TMEM144: variants seen among roughly 807,000 people sequenced by gnomAD.
TMEM144 encodes the protein transmembrane protein 144.
TMEM144 carries 39 observed loss-of-function variants against 43.6 expected under a neutral mutation model. That is an observed-to-expected ratio of 0.90 (90% CI 0.69 to 1.17). TMEM144 has a LOEUF of 1.17. TMEM144 is among the 50% of genes most tolerant of loss of function. TMEM144 has a pLI of 0.00. For synonymous variants in TMEM144, 154 were observed against 133.6 expected (o/e 1.15, Z -1.06); for missense variants, 417 against 411.9 (o/e 1.01, Z -0.11).
chr4:158,245,129 T>C (rs1160374926), intron 12 of TMEM144, among the ~76,000 whole-genome samples: 1 of 151,874 alleles, frequency 6.6e-6, no homozygotes. Context: ...GAAAACAGCA[T>C]GGTAACAGGA....
chr4:158,218,669 A>G (rs572360613), intron 5 of TMEM144, among the ~76,000 whole-genome samples: 3 of 152,308 alleles, frequency 2.0e-5, no homozygotes, highest in African/African-American at 7.2e-5. Flanking sequence ...CAAATATTAT[A>G]CAATATTGTA....
rs142505717 is a variant in TMEM144, at chr4:158,212,767, A to G, written c.100A>G (p.Thr34Ala). 1.9e-6 allele frequency: 3 copies of G among 1,609,652 alleles called. No homozygotes were observed. Among genetic ancestry groups the G allele is most frequent in the Non-Finnish European group, 2.6e-6 (3 of 1,176,220 alleles). The stretch of plus-strand genomic sequence containing the variant: ...TTTTGTGCCACTTAAAAAATTTGAT[A>G]CTGGTGATGGTAATTATTTTTCCTT... Reference protein sequence around the residue: ...SNFVPLKKFDTGDGMFLQWVL... With the variant: ...SNFVPLKKFDAGDGMFLQWVL... Residue 34 changes from threonine to alanine, a missense_variant, in exon 3 of 13, where the codon ACT becomes GCT. Thr to Ala is a moderately conservative substitution (Grantham distance 58, BLOSUM62 0). Transcript: ENST00000296529.
intron 6 of TMEM144, among the ~76,000 whole-genome samples, chr4:158,224,454 C>T (rs1391054223): frequency 1.3e-5 from 2 of 152,128 alleles, no homozygotes; most frequent in Admixed American, 6.6e-5. Context: ...ATTTTAAAAA[C>T]TGTGGTCATG....
At chr4:158,215,072 A>G (rs1734149265) in intron 3 of TMEM144, 119 bp from the exon 4 acceptor site, 4 of 1,257,840 alleles carry the variant, frequency 3.2e-6, no homozygotes, top group Admixed American at 1.8e-5. Flanking sequence ...TGCAAAGTCC[A>G]TGGCATATGG....
At chr4:158,245,230 G>T (rs928117219) in intron 12 of TMEM144, among the ~76,000 whole-genome samples, 1 of 82,172 alleles carries the variant, frequency 1.2e-5, no homozygotes, top group African/African-American at 5.9e-5. Context: ...GTGTGTGTGT[G>T]TGTGTGTGTG....
intron 4 of TMEM144, among the ~76,000 whole-genome samples, chr4:158,216,699 C>G (rs996131785): frequency 2.0e-5 from 3 of 151,760 alleles, no homozygotes; most frequent in African/African-American, 7.3e-5. Context: ...GTACCTTATT[C>G]CAGAAGGAAT....
chr4:158,235,657 C>A, intron 8 of TMEM144, 152 bp downstream of exon 8: 1 of 670,044 alleles, frequency 1.5e-6, no homozygotes, highest in Non-Finnish European at 2.3e-6. Context: ...TTTTTTTGTC[C>A]CCAGCTGAAT....
chr4:158,227,658 G>C (rs1734843159), intron 6 of TMEM144, among the ~76,000 whole-genome samples: 1 of 151,920 alleles, frequency 6.6e-6, no homozygotes, highest in Admixed American at 6.6e-5. Flanking sequence ...ACTGTGGAGA[G>C]CTCTAAAACC....
chr4:158,230,663 A>T (rs1008000269), intron 6 of TMEM144, among the ~76,000 whole-genome samples: 3 of 151,832 alleles, frequency 2.0e-5, no homozygotes, highest in South Asian at 2.1e-4. Context: ...AATATATATA[A>T]AACACACATA....
In TMEM144 at chr4:158,228,792, A is replaced by G. The variant is rs567291642; in HGVS notation, c.414-4109A>G. Among the ~76,000 whole-genome samples the G allele has an allele frequency of 6.6e-4, 101 of 152,240 alleles. 1 individual carries two copies. The highest frequency in any genetic ancestry group is 2.4e-3 in the African/African-American group (99 of 41,554). On this transcript the variant is annotated intron_variant, in intron 6 of 12. Transcript: ENST00000296529. Reference sequence around the variant, plus strand: ...CGCAGACAAAACTCCTCAGACACGGAGTTAAAGAAGGAAGTGGTTTATTCG... The same window carrying G: ...CGCAGACAAAACTCCTCAGACACGGGGTTAAAGAAGGAAGTGGTTTATTCG...
chr4:158,240,186 A>G (rs1560836534), intron 9 of TMEM144, 113 bp from the exon 10 acceptor site: 1 of 1,285,166 alleles, frequency 7.8e-7, no homozygotes, highest in Non-Finnish European at 1.1e-6. Flanking sequence ...CGCTCTGCCT[A>G]ATTAATGGTT....
At chr4:158,214,512 A>T (rs111743000) in intron 3 of TMEM144, among the ~76,000 whole-genome samples, 8 of 152,272 alleles carry the variant, frequency 5.3e-5, no homozygotes, top group African/African-American at 1.9e-4. Context: ...TAAATCCTTA[A>T]TGATGCAGAA....
At chr4:158,235,203 C>T (rs921287268) in intron 7 of TMEM144, 6 of 449,782 alleles carry the variant, frequency 1.3e-5, no homozygotes, top group African/African-American at 1.9e-5. Flanking sequence ...ACAATAGCCA[C>T]ATATTAAATG....
intron 7 of TMEM144, 67 bp downstream of exon 7, chr4:158,233,049 T>A (rs1359645750): frequency 7.2e-6 from 9 of 1,242,642 alleles, no homozygotes; most frequent in Non-Finnish European, 6.8e-6. Context: ...AATACATAAA[T>A]TTTAAACACA....
In TMEM144 at chr4:158,211,529, T is replaced by G. The variant is rs1733959694; in HGVS notation, c.-106T>G. On this transcript the variant is annotated 5_prime_UTR_variant, in exon 2 of 13. Transcript: ENST00000296529. The stretch of plus-strand genomic sequence containing the variant: ...CTGTTATCTTGGCACCTCTGTTATC[T>G]TAGCAGCAAGCACCTGCCTCAGCTG... 1 of 152,240 alleles carries G rather than the reference T, an allele frequency of 6.6e-6. No homozygotes were observed. The highest frequency in any genetic ancestry group is 6.5e-5 in the Admixed American group (1 of 15,284). 9.4% of individuals were successfully genotyped at this position (152,240 alleles called of 1,614,324 possible).
chr4:158,217,213 G>A, intron 4 of TMEM144, 108 bp from the exon 5 acceptor site: 2 of 698,166 alleles, frequency 2.9e-6, no homozygotes, highest in Non-Finnish European at 4.5e-6. Flanking sequence ...TACTAAATTT[G>A]TCCAAATCAC....
chr4:158,225,959 G>A (rs1450882651), intron 6 of TMEM144, among the ~76,000 whole-genome samples: 1 of 152,232 alleles, frequency 6.6e-6, no homozygotes, highest in Non-Finnish European at 1.5e-5. Flanking sequence ...TCCTGGAAAA[G>A]AGCTACCATG....
intron 6 of TMEM144, among the ~76,000 whole-genome samples, chr4:158,227,124 G>T (rs551963553): frequency 1.1e-3 from 152 of 137,446 alleles, no homozygotes; most frequent in Non-Finnish European, 2.0e-3. Flanking sequence ...TGGTATAGAT[G>T]GCTTTTTTTT....
intron 12 of TMEM144, among the ~76,000 whole-genome samples, chr4:158,249,933 T>TGTGTGTGTGTGTGTGTGTGTGTGTGTG (rs70958884): frequency 1.5e-5 from 2 of 135,984 alleles, no homozygotes; most frequent in Non-Finnish European, 3.2e-5. Flanking sequence ...TGTGTGTGTG[T>TGTGTGTGTGTGTGTGTGTGTGTGTGTG]TTAAATAAGC....
Sources: gnomAD v4.1 joint callset for allele counts (sites outside exome capture counted in the v4.1 genomes callset) on GRCh38, gnomAD v4.1.1 for gene constraint, MANE v1.5 for transcripts, NCBI Gene and HGNC (gene_info 2026-07-23, HGNC 2026-07-21) for gene names.